WASF3: variants seen among roughly 807,000 people sequenced by gnomAD.
WASF3 encodes the protein actin-binding protein WASF3.
WASF3 carries 11 observed loss-of-function variants against 46.6 expected under a neutral mutation model. That is an observed-to-expected ratio of 0.24 (90% CI 0.15 to 0.39). WASF3 has a LOEUF of 0.39. Among genes scored for constraint, WASF3 ranks in the 10% least tolerant of loss-of-function variants. The pLI is 1.00. For missense variants in WASF3, 576 were observed against 669.8 expected (o/e 0.86, Z 1.55); for synonymous variants, 242 against 259.7 (o/e 0.93, Z 0.65).
intron 1 of WASF3, among the ~76,000 whole-genome samples, chr13:26,601,197 G>A (rs1042639016): frequency 9.2e-5 from 14 of 152,136 alleles, no homozygotes; most frequent in South Asian, 2.1e-4. Context: ...TGTGAATTAC[G>A]TAGCATTTAT....
chr13:26,615,753 C>G (rs1881114225), intron 2 of WASF3, among the ~76,000 whole-genome samples: 1 of 152,182 alleles, frequency 6.6e-6, no homozygotes, highest in African/African-American at 2.4e-5. Flanking sequence ...ACCGTTGTTT[C>G]CTCATGGCCC....
At chr13:26,579,350 A>G (rs7323865) in intron 1 of WASF3, among the ~76,000 whole-genome samples, 70,348 of 151,668 alleles carry the variant, frequency 0.46, 16,733 homozygotes, top group Non-Finnish European at 0.53. Context: ...TAATTATAGT[A>G]ATTATTATTT....
chr13:26,566,091 T>G (rs1174049319), intron 1 of WASF3, among the ~76,000 whole-genome samples: 1 of 152,248 alleles, frequency 6.6e-6, no homozygotes, highest in African/African-American at 2.4e-5. Context: ...GTTTTATTTC[T>G]TAGGCTATTT....
chr13:26,688,332 T>TG lies in WASF3; in HGVS notation c.*2487_*2488insG, dbSNP rs1218170697. 1 of 152,220 alleles carries TG rather than the reference T, an allele frequency of 6.6e-6. No homozygotes were observed. The highest frequency in any genetic ancestry group is 1.9e-4 in the East Asian group (1 of 5,200). The allele number at this position is 152,220 out of a possible 1,614,324, so 9.4% of individuals were successfully genotyped here. On this transcript the variant is annotated 3_prime_UTR_variant, in exon 10 of 10. Transcript: ENST00000335327. Reference sequence around the variant, plus strand: ...AAAGCACATTTCATTTCTCCAAACTTTGTGTTTTAAATTATAGTTATAAAT... The same window carrying TG: ...AAAGCACATTTCATTTCTCCAAACTTGTGTGTTTTAAATTATAGTTATAAAT...
In WASF3 at chr13:26,581,097, A is replaced by AT. The variant is rs1879967103; in HGVS notation, c.-109+23284dup. 2.6e-5 allele frequency among the ~76,000 whole-genome samples: 4 copies of AT among 151,270 alleles called. No individual in the cohort carries two copies. The South Asian group carries it at 8.4e-4, about 32-fold the overall frequency. ...AGGCATGTACCACCATGCCTGGCTA[A>AT]TTTTTTGTATTTTTAGAAGAGATGG... On this transcript the variant is annotated intron_variant, in intron 1 of 9. Transcript: ENST00000335327.
chr13:26,560,644 C>T (rs939631174), intron 1 of WASF3, among the ~76,000 whole-genome samples: 8 of 152,132 alleles, frequency 5.3e-5, no homozygotes, highest in Non-Finnish European at 7.4e-5. Flanking sequence ...TGATAAGTAC[C>T]ATGATAGAGT....
At chr13:26,563,356 T>C (rs1879360394) in intron 1 of WASF3, among the ~76,000 whole-genome samples, 1 of 151,972 alleles carries the variant, frequency 6.6e-6, no homozygotes, top group Non-Finnish European at 1.5e-5. Flanking sequence ...TAGATGTTTA[T>C]AGATTATAAT....
At chr13:26,553,816 CA>C (rs35110514), upstream of WASF3, among the ~76,000 whole-genome samples, 55,662 of 131,414 alleles carry the variant, frequency 0.42, 10,968 homozygotes, top group South Asian at 0.5. Context: ...GACTCCATCT[CA>C]AAAAAAAAAA....
chr13:26,629,016 T>C (rs1020801123), intron 2 of WASF3, among the ~76,000 whole-genome samples: 3 of 152,232 alleles, frequency 2.0e-5, no homozygotes, highest in Admixed American at 6.5e-5. Flanking sequence ...CCAGCGTTCA[T>C]TGGGATGGAC....
intron 2 of WASF3, among the ~76,000 whole-genome samples, chr13:26,629,278 C>A (rs1264782309): frequency 6.6e-6 from 1 of 152,176 alleles, no homozygotes; most frequent in Non-Finnish European, 1.5e-5. Flanking sequence ...CACCCTGTGC[C>A]CACTCCCGAA....
upstream of WASF3, among the ~76,000 whole-genome samples, chr13:26,554,797 G>A (rs1004993342): frequency 6.6e-6 from 1 of 152,174 alleles, no homozygotes; most frequent in African/African-American, 2.4e-5. Context: ...TTCACCTTGT[G>A]AGGGACATCT....
upstream of WASF3, among the ~76,000 whole-genome samples, chr13:26,553,086 T>G (rs1338104592): frequency 6.6e-6 from 1 of 152,208 alleles, no homozygotes; most frequent in South Asian, 2.1e-4. Flanking sequence ...GGAATATGCT[T>G]GAGAGCTGTT....
chr13:26,663,023 G>C (rs1027288545), intron 3 of WASF3, among the ~76,000 whole-genome samples: 1 of 152,166 alleles, frequency 6.6e-6, no homozygotes, highest in Non-Finnish European at 1.5e-5. Context: ...GGGGTGGGAG[G>C]TGAATCTAAA....
intron 3 of WASF3, among the ~76,000 whole-genome samples, chr13:26,657,518 G>A (rs1259445460): frequency 2.0e-5 from 3 of 152,088 alleles, no homozygotes; most frequent in African/African-American, 7.2e-5. Flanking sequence ...CCTCTCCCGG[G>A]TTACATTCCT....
upstream of WASF3, among the ~76,000 whole-genome samples, chr13:26,557,439 A>C (rs1593362704): frequency 6.6e-6 from 1 of 152,306 alleles, no homozygotes; most frequent in East Asian, 1.9e-4. Flanking sequence ...CCTCGCTGGA[A>C]AGGACGCTGC....
intron 5 of WASF3, among the ~76,000 whole-genome samples, chr13:26,669,321 C>T (rs940438029): frequency 2.9e-4 from 39 of 133,732 alleles, no homozygotes; most frequent in East Asian, 3.9e-4. Context: ...AAGCGATTCT[C>T]CTGCCTCAGC....
chr13:26,573,531 C>T (rs1260529104), intron 1 of WASF3, among the ~76,000 whole-genome samples: 1 of 152,030 alleles, frequency 6.6e-6, no homozygotes, highest in Non-Finnish European at 1.5e-5. Flanking sequence ...GTTCTATGGA[C>T]TCTGATGTAT....
intron 1 of WASF3, among the ~76,000 whole-genome samples, chr13:26,610,398 A>C (rs1330274046): frequency 6.6e-6 from 1 of 152,022 alleles, no homozygotes; most frequent in Non-Finnish European, 1.5e-5. Context: ...TTGTTTACAG[A>C]CTTTTCTTCT....
rs530995506 is a variant in WASF3, at chr13:26,606,895, A to C, written c.-108-6066A>C. ...GTTACTGGCAGTCACCTGTGGTCTGAAAATATTAAGATAATTTTGTGCATG... is the reference window on the plus strand; with the variant it reads ...GTTACTGGCAGTCACCTGTGGTCTGCAAATATTAAGATAATTTTGTGCATG... On this transcript the variant is annotated intron_variant, in intron 1 of 9. Transcript: ENST00000335327. 9.5e-4 allele frequency: 145 copies of C among 152,304 alleles called. 1 individual carries two copies. Among genetic ancestry groups the C allele is most frequent in the African/African-American group, 3.4e-3 (141 of 41,574 alleles). The allele number at this position is 152,304 out of a possible 1,614,324, so 9.4% of individuals were successfully genotyped here. A position where few individuals can be genotyped will look rare whatever the true frequency, so the allele number is the denominator to read the frequency against.
Sources: gnomAD v4.1 joint callset for allele counts (sites outside exome capture counted in the v4.1 genomes callset) on GRCh38, gnomAD v4.1.1 for gene constraint, MANE v1.5 for transcripts, NCBI Gene and HGNC (gene_info 2026-07-23, HGNC 2026-07-21) for gene names.